Variants in TMEM156 observed in about 807,000 individuals in gnomAD.
The protein encoded by TMEM156 is transmembrane protein 156.
TMEM156 carries 28 observed loss-of-function variants against 30.5 expected under a neutral mutation model. The ratio of observed to expected loss-of-function variants is 0.92; its 90% CI spans 0.68 to 1.26. The LOEUF (loss-of-function observed/expected upper bound fraction) is 1.26, where lower values mean the gene tolerates loss of function less well. Among genes scored for constraint, TMEM156 ranks in the 50% most tolerant of loss-of-function variants. The pLI is 0.00. For synonymous variants in TMEM156, 137 were observed against 119.9 expected (o/e 1.14, Z -0.93); for missense variants, 351 against 340.6 (o/e 1.03, Z -0.24).
At chr4:39,018,073 C>G (rs190398949) in intron 1 of TMEM156, among the ~76,000 whole-genome samples, 1 of 152,020 alleles carries the variant, frequency 6.6e-6, no homozygotes, top group Admixed American at 6.6e-5. Flanking sequence ...TCTTGCCTTT[C>G]TGGCTGTTAA....
intron 1 of TMEM156, among the ~76,000 whole-genome samples, chr4:39,023,350 A>G (rs1178995847): frequency 2.0e-5 from 3 of 152,246 alleles, no homozygotes; most frequent in African/African-American, 7.2e-5. Flanking sequence ...ATTGAATAGA[A>G]ATAAAAACAT....
intron 5 of TMEM156, among the ~76,000 whole-genome samples, chr4:38,975,625 C>T (rs1488580033): frequency 6.6e-6 from 1 of 152,026 alleles, no homozygotes; most frequent in Non-Finnish European, 1.5e-5. Context: ...TCGAGGCCTA[C>T]CTTGGCCTCC....
chr4:38,972,353 A>G (rs1004247501), intron 5 of TMEM156, among the ~76,000 whole-genome samples: 3 of 145,176 alleles, frequency 2.1e-5, no homozygotes, highest in South Asian at 2.2e-4. Context: ...TCCTGGGTTC[A>G]AGCAATTCTG....
intron 1 of TMEM156, 59 bp from the exon 2 acceptor site, chr4:38,998,968 A>T: frequency 6.8e-7 from 1 of 1,470,362 alleles, no homozygotes; most frequent in East Asian, 2.3e-5. Context: ...TTTGGCATTC[A>T]AATAAATACA....
chr4:39,025,150 A>G (rs1391855623), intron 1 of TMEM156, among the ~76,000 whole-genome samples: 1 of 151,942 alleles, frequency 6.6e-6, no homozygotes, highest in Non-Finnish European at 1.5e-5. Context: ...GGAGTTTGAA[A>G]CCAGCCTGGA....
At chr4:39,005,118 A>C (rs1481154190) in intron 1 of TMEM156, among the ~76,000 whole-genome samples, 1 of 152,222 alleles carries the variant, frequency 6.6e-6, no homozygotes, top group African/African-American at 2.4e-5. Flanking sequence ...GGACAAAATC[A>C]AGTGACTATA....
chr4:39,000,976 T>C (rs1713301525), intron 1 of TMEM156, among the ~76,000 whole-genome samples: 1 of 152,192 alleles, frequency 6.6e-6, no homozygotes, highest in Non-Finnish European at 1.5e-5. Context: ...GAATTATCTA[T>C]GATTTAATTC....
At chr4:38,979,685 T>C (rs1165396550) in intron 5 of TMEM156, among the ~76,000 whole-genome samples, 3 of 152,178 alleles carry the variant, frequency 2.0e-5, no homozygotes, top group Non-Finnish European at 4.4e-5. Context: ...ATGGAAACTA[T>C]GGCAATAAAT....
At chr4:39,023,672 T>C (rs1388751143) in intron 1 of TMEM156, among the ~76,000 whole-genome samples, 1 of 151,794 alleles carries the variant, frequency 6.6e-6, no homozygotes, top group African/African-American at 2.4e-5. Flanking sequence ...GTGAAACCCA[T>C]CTCTACTAAA....
chr4:38,984,383 GT>G (rs1450433641), intron 5 of TMEM156, among the ~76,000 whole-genome samples: 5 of 139,602 alleles, frequency 3.6e-5, no homozygotes, highest in African/African-American at 1.5e-4. Context: ...GTGTGTGTGT[GT>G]TGAACAATAC....
At chr4:39,030,042 C>T (rs1009746660) in intron 1 of TMEM156, among the ~76,000 whole-genome samples, 2 of 151,956 alleles carry the variant, frequency 1.3e-5, no homozygotes, top group African/African-American at 4.8e-5. Context: ...AGTAGGGTTC[C>T]TTTGAAACAA....
intron 5 of TMEM156, among the ~76,000 whole-genome samples, chr4:38,979,335 G>A (rs1443302803): frequency 2.0e-5 from 3 of 152,210 alleles, no homozygotes; most frequent in African/African-American, 4.8e-5. Flanking sequence ...TTTGGCAGTG[G>A]GGACCGACAC....
intron 4 of TMEM156, 70 bp from the exon 5 acceptor site, chr4:38,986,489 T>A (rs534874149): frequency 1.7e-6 from 2 of 1,183,172 alleles, no homozygotes; most frequent in South Asian, 2.5e-5. Flanking sequence ...TTCCCCATGT[T>A]GGTTCAAAGG....
At chr4:39,004,331 G>T (rs2109998832) in intron 1 of TMEM156, among the ~76,000 whole-genome samples, 1 of 152,156 alleles carries the variant, frequency 6.6e-6, no homozygotes. Flanking sequence ...TCTTTTTAAA[G>T]AAAAGCAACA....
chr4:39,008,906 AATC>A (rs1381459391), intron 1 of TMEM156, among the ~76,000 whole-genome samples: 1 of 152,112 alleles, frequency 6.6e-6, no homozygotes. Flanking sequence ...AAATAACTAA[AATC>A]AGTGTAGATG....
At chr4:38,975,306 G>A (rs528052835) in intron 5 of TMEM156, among the ~76,000 whole-genome samples, 57 of 151,824 alleles carry the variant, frequency 3.8e-4, no homozygotes, top group African/African-American at 1.2e-3. Context: ...CCACATCTAT[G>A]GGGCTATGTC....
chr4:38,975,130 A>G (rs1383718574), intron 5 of TMEM156, among the ~76,000 whole-genome samples: 1 of 152,166 alleles, frequency 6.6e-6, no homozygotes, highest in Admixed American at 6.5e-5. Flanking sequence ...CTAAAGGGTA[A>G]ATGACAAAAC....
At chr4:38,995,223 T>A (rs1025276193) in intron 2 of TMEM156, among the ~76,000 whole-genome samples, 1 of 152,214 alleles carries the variant, frequency 6.6e-6, no homozygotes, top group African/African-American at 2.4e-5. Context: ...AATGACCTCA[T>A]CTTAACTACA....
At chr4:38,999,357 T>C (rs1713176707) in intron 1 of TMEM156, among the ~76,000 whole-genome samples, 1 of 152,104 alleles carries the variant, frequency 6.6e-6, no homozygotes, top group Non-Finnish European at 1.5e-5. Context: ...CTGTGAACAT[T>C]CCCTATTAAC....
Sources: gnomAD v4.1 joint callset for allele counts (sites outside exome capture counted in the v4.1 genomes callset) on GRCh38, gnomAD v4.1.1 for gene constraint, MANE v1.5 for transcripts, NCBI Gene and HGNC (gene_info 2026-07-23, HGNC 2026-07-21) for gene names.